The following SLC25A21 variants were observed in gnomAD, a reference collection of about 807,000 sequenced individuals.
SLC25A21 encodes solute carrier family 25 member 21, also known as mitochondrial 2-oxodicarboxylate carrier.
Under a neutral mutation model 43.8 loss-of-function variants are expected in SLC25A21, and 47 were observed. The observed-to-expected ratio is 1.07, with a 90% CI of 0.85 to 1.37. SLC25A21 has a LOEUF of 1.37. Ranked by LOEUF, SLC25A21 falls within the 40% of genes most tolerant of loss-of-function variation. SLC25A21 has a pLI of 0.00. For missense variants in SLC25A21, 352 were observed against 350.2 expected (o/e 1.00, Z -0.04); for synonymous variants, 131 against 121.3 (o/e 1.08, Z -0.52).
At chr14:36,771,755 A>T (rs1015612696) in intron 3 of SLC25A21, among the ~76,000 whole-genome samples, 1 of 41,038 alleles carries the variant, frequency 2.4e-5, no homozygotes, top group Non-Finnish European at 4.3e-5. Context: ...CAAGAAACAT[A>T]AAAAAAAAAA....
chr14:36,979,113 A>G (rs1019256536), intron 1 of SLC25A21, among the ~76,000 whole-genome samples: 7 of 152,048 alleles, frequency 4.6e-5, no homozygotes, highest in Admixed American at 1.3e-4. Context: ...CTGTAAGACA[A>G]CAGTATGCTT....
At chr14:36,849,971 G>A (rs1200058503) in intron 2 of SLC25A21, among the ~76,000 whole-genome samples, 2 of 152,170 alleles carry the variant, frequency 1.3e-5, no homozygotes, top group Non-Finnish European at 2.9e-5. Flanking sequence ...GGGATCAAGT[G>A]AAGGAGGTAC....
At chr14:36,712,842 T>C (rs140533150) in intron 6 of SLC25A21, among the ~76,000 whole-genome samples, 195 of 152,368 alleles carry the variant, frequency 1.3e-3, no homozygotes, top group African/African-American at 4.5e-3. Flanking sequence ...ACATGAGATT[T>C]TTTTGTGTTT....
At chr14:36,838,613 G>T (rs142976429) in intron 2 of SLC25A21, among the ~76,000 whole-genome samples, 13 of 152,280 alleles carry the variant, frequency 8.5e-5, no homozygotes, top group African/African-American at 3.1e-4. Flanking sequence ...GAAAATCAAC[G>T]TTAGAGACAG....
At chr14:36,817,047 G>A (rs1017111371) in intron 2 of SLC25A21, among the ~76,000 whole-genome samples, 3 of 151,908 alleles carry the variant, frequency 2.0e-5, no homozygotes, top group Non-Finnish European at 2.9e-5. Flanking sequence ...CATAATATCC[G>A]TAATAAGCTT....
intron 3 of SLC25A21, among the ~76,000 whole-genome samples, chr14:36,748,396 A>G (rs1011696659): frequency 7.2e-5 from 11 of 152,150 alleles, no homozygotes; most frequent in African/African-American, 2.7e-4. Context: ...AAAAGTGCCC[A>G]AGTCCTTATT....
At chr14:36,976,781 A>C (rs984766616) in intron 1 of SLC25A21, among the ~76,000 whole-genome samples, 1 of 152,168 alleles carries the variant, frequency 6.6e-6, no homozygotes, top group Non-Finnish European at 1.5e-5. Context: ...CACCTCAAGC[A>C]TGCTCCTCTT....
At chr14:37,165,965 G>GT (rs1312544195) in intron 1 of SLC25A21, among the ~76,000 whole-genome samples, 1 of 152,202 alleles carries the variant, frequency 6.6e-6, no homozygotes, top group Non-Finnish European at 1.5e-5. Context: ...TGCAGACAGA[G>GT]TAATGATGTC....
intron 1 of SLC25A21, among the ~76,000 whole-genome samples, chr14:37,088,106 G>T (rs1290111894): frequency 1.3e-5 from 2 of 152,128 alleles, no homozygotes; most frequent in Non-Finnish European, 2.9e-5. Flanking sequence ...AAATTGGGAT[G>T]CATTATGTAT....
chr14:36,881,561 A>G (rs1275952780), intron 1 of SLC25A21, among the ~76,000 whole-genome samples: 1 of 152,208 alleles, frequency 6.6e-6, no homozygotes. Flanking sequence ...CGTAAAGCAG[A>G]AGATCTTATC....
intron 1 of SLC25A21, among the ~76,000 whole-genome samples, chr14:37,158,076 T>C (rs753197472): frequency 2.7e-4 from 41 of 152,056 alleles, no homozygotes; most frequent in African/African-American, 6.3e-4. Context: ...AGTAGCAAGA[T>C]TGAATCAGTA....
Position 36,684,800 on chromosome 14 carries a change from T to G in SLC25A21, c.729A>C (p.Gly243=). 6.2e-7 allele frequency: 1 copy of G among 1,614,092 alleles called. No homozygotes were observed. Among genetic ancestry groups the G allele is most frequent in the Non-Finnish European group, 8.5e-7 (1 of 1,179,986 alleles). Residue 243 remains glycine (G), a synonymous_variant, in exon 8 of 10, where the codon GGA becomes GGC. Transcript: ENST00000331299. ...SRIQGPQPVP[G]EIKYRTCFKT... ...TAAAACAGGTTCTGTACTTGATCTC[T>G]CCAGGAACTGGTTGAGGCCCTTGAA...
intron 3 of SLC25A21, among the ~76,000 whole-genome samples, chr14:36,775,386 A>C (rs1886785502): frequency 1.3e-5 from 2 of 152,196 alleles, no homozygotes; most frequent in Admixed American, 1.3e-4. Flanking sequence ...AGCCCTCCCG[A>C]AAAAAATCGT....
At chr14:37,097,633 G>A (rs201239729) in intron 1 of SLC25A21, among the ~76,000 whole-genome samples, 6 of 151,994 alleles carry the variant, frequency 3.9e-5, no homozygotes, top group Non-Finnish European at 5.9e-5. Flanking sequence ...CTGTAATCCC[G>A]GCACTTTGGG....
At chr14:36,940,556 T>C (rs2138648484) in intron 1 of SLC25A21, among the ~76,000 whole-genome samples, 1 of 152,172 alleles carries the variant, frequency 6.6e-6, no homozygotes, top group South Asian at 2.1e-4. Flanking sequence ...TTGCCATATA[T>C]AGTTAATAGC....
intron 1 of SLC25A21, among the ~76,000 whole-genome samples, chr14:37,094,545 T>C (rs1962648943): frequency 6.6e-6 from 1 of 152,108 alleles, no homozygotes; most frequent in African/African-American, 2.4e-5. Context: ...CATCAATTTC[T>C]CCTCTAGGAC....
chr14:37,033,041 A>C (rs1961253417), intron 1 of SLC25A21, among the ~76,000 whole-genome samples: 1 of 152,228 alleles, frequency 6.6e-6, no homozygotes. Context: ...AGTAGTGTTA[A>C]GTAGATTCAC....
intron 1 of SLC25A21, among the ~76,000 whole-genome samples, chr14:37,092,990 T>G (rs1287987093): frequency 1.3e-5 from 2 of 152,070 alleles, no homozygotes; most frequent in East Asian, 3.9e-4. Flanking sequence ...TCCATCTTTT[T>G]TAAATGCTCT....
At chr14:37,148,295 T>C (rs1001814107) in intron 1 of SLC25A21, among the ~76,000 whole-genome samples, 1 of 152,208 alleles carries the variant, frequency 6.6e-6, no homozygotes, top group East Asian at 1.9e-4. Context: ...CTTGAGTTTA[T>C]AAGGTAAAAA....
Sources: gnomAD v4.1 joint callset for allele counts (sites outside exome capture counted in the v4.1 genomes callset) on GRCh38, gnomAD v4.1.1 for gene constraint, MANE v1.5 for transcripts, NCBI Gene and HGNC (gene_info 2026-07-23, HGNC 2026-07-21) for gene names.